Variants in MRPL48 observed in about 807,000 individuals in gnomAD.
MRPL48 encodes mitochondrial ribosomal protein L48, also known as large ribosomal subunit protein mL48.
A neutral mutation model predicts 32.9 loss-of-function variants in MRPL48; 16 were observed. The observed-to-expected ratio is 0.49, with a 90% confidence interval of 0.33 to 0.74. The LOEUF (loss-of-function observed/expected upper bound fraction) is 0.74, where lower values mean the gene tolerates loss of function less well. MRPL48 is among the 30% of genes least tolerant of loss of function. MRPL48 has a pLI of 0.02. For synonymous variants in MRPL48, 94 were observed against 89.2 expected (o/e 1.05, Z -0.31); for missense variants, 206 against 245.3 (o/e 0.84, Z 1.07).
chr11:73,815,611 C>T (rs1030596624), intron 3 of MRPL48, among the ~76,000 whole-genome samples: 5 of 152,130 alleles, frequency 3.3e-5, no homozygotes, highest in African/African-American at 1.2e-4. Context: ...ACCTTGGCCT[C>T]CCAAAGTGCT....
At chr11:73,840,831 A>T (rs1273631182) in intron 4 of MRPL48, among the ~76,000 whole-genome samples, 2 of 152,186 alleles carry the variant, frequency 1.3e-5, no homozygotes, top group Non-Finnish European at 2.9e-5. Flanking sequence ...AAAATAAAAT[A>T]AAAATAAAGT....
intron 4 of MRPL48, among the ~76,000 whole-genome samples, 189 bp downstream of exon 4, chr11:73,825,985 G>C (rs1400202109): frequency 6.6e-6 from 1 of 152,112 alleles, no homozygotes; most frequent in Non-Finnish European, 1.5e-5. Context: ...CTTATCCCTA[G>C]GCCAGGTTAT....
At chr11:73,790,622 G>C (rs1464205339) in intron 1 of MRPL48, among the ~76,000 whole-genome samples, 3 of 151,746 alleles carry the variant, frequency 2.0e-5, no homozygotes, top group Admixed American at 6.6e-5. Context: ...CTGACCTCGT[G>C]ATCTGCCCAC....
intron 3 of MRPL48, among the ~76,000 whole-genome samples, chr11:73,824,334 A>C (rs1250248793): frequency 6.6e-6 from 1 of 151,992 alleles, no homozygotes; most frequent in Non-Finnish European, 1.5e-5. Flanking sequence ...TCACGCCTGC[A>C]ATGCCAGTAC....
intron 5 of MRPL48, among the ~76,000 whole-genome samples, chr11:73,853,014 T>C (rs1169295334): frequency 6.6e-6 from 1 of 152,188 alleles, no homozygotes; most frequent in Non-Finnish European, 1.5e-5. Flanking sequence ...AAACATTGCA[T>C]GTTGTCATTT....
intron 3 of MRPL48, among the ~76,000 whole-genome samples, chr11:73,816,705 C>T (rs1043222759): frequency 3.9e-5 from 6 of 151,932 alleles, no homozygotes; most frequent in African/African-American, 1.5e-4. Flanking sequence ...CTTAGGTGAT[C>T]CGCCCGCCTT....
intron 3 of MRPL48, among the ~76,000 whole-genome samples, chr11:73,809,476 C>A (rs1947529276): frequency 6.6e-6 from 1 of 150,786 alleles, no homozygotes; most frequent in Non-Finnish European, 1.5e-5. Context: ...TGCACTCCAG[C>A]CTGGGCGACA....
intron 5 of MRPL48, chr11:73,845,285 G>C (rs973002076): frequency 4.5e-6 from 1 of 223,540 alleles, no homozygotes; most frequent in Non-Finnish European, 8.7e-6. Context: ...AGCTGTTTGT[G>C]GCTGGCCTCT....
intron 4 of MRPL48, among the ~76,000 whole-genome samples, chr11:73,831,527 C>T (rs1451380639): frequency 3.9e-5 from 6 of 152,014 alleles, no homozygotes; most frequent in Admixed American, 1.3e-4. Flanking sequence ...TATTTTAGAG[C>T]GTATCTCCAG....
chr11:73,812,182 G>A (rs1226110875), intron 3 of MRPL48, among the ~76,000 whole-genome samples: 8 of 151,944 alleles, frequency 5.3e-5, no homozygotes, highest in African/African-American at 9.7e-5. Context: ...CACCGCGCCC[G>A]GCCCTCTTTC....
rs1565395147 is a variant in MRPL48 at position 73,787,936 on chromosome 11, CG to C, written c.-34del. On this transcript the variant is annotated 5_prime_UTR_variant, in exon 1 of 8. Transcript: ENST00000310614. Reference sequence around the variant, plus strand: ...GAACGCGGCTGCAGGGTCCGGTCTTCGGTTTGCACAGCTAGAGGCCGCGCAG... The same window carrying C: ...GAACGCGGCTGCAGGGTCCGGTCTTCGTTTGCACAGCTAGAGGCCGCGCAG... 6.2e-7 allele frequency: 1 copy of C among 1,607,500 alleles called. No individual in the cohort carries two copies. The highest frequency in any genetic ancestry group is 2.2e-5 in the East Asian group (1 of 44,474).
At position 73,864,289 on chromosome 11, in the gene MRPL48, T is replaced by A. The variant is rs1396564140; in HGVS notation, c.565-7T>A. On this transcript the variant is annotated splice_region_variant and splice_polypyrimidine_tract_variant and intron_variant, in intron 7 of 7. Transcript: ENST00000310614. Reference sequence around the variant, plus strand: ...ATTACCGCTTATTTTCTTTTTCTTCTCCTTAGCACACTGAAGAAGACTTCA... The same window carrying A: ...ATTACCGCTTATTTTCTTTTTCTTCACCTTAGCACACTGAAGAAGACTTCA... 8 of 1,613,172 alleles carry A rather than the reference T, an allele frequency of 5.0e-6. No homozygotes were observed. The highest frequency in any genetic ancestry group is 5.9e-6 in the Non-Finnish European group (7 of 1,179,604).
At position 73,852,511 on chromosome 11, in the gene MRPL48, A is replaced by G. The variant is rs559219021; in HGVS notation, c.372-7396A>G. On this transcript the variant is annotated intron_variant, in intron 5 of 7. Transcript: ENST00000310614. ...AAACAGGCCTATGAAAAAGTGCTCA[A>G]CATCACTGATCGTCAGAGAAATGCA... 2.0e-5 allele frequency among the ~76,000 whole-genome samples: 3 copies of G among 152,294 alleles called. No individual in the cohort carries two copies. In the East Asian group the frequency reaches 5.8e-4, roughly 29 times the overall value.
chr11:73,816,514 A>T (rs1947677266), intron 3 of MRPL48, among the ~76,000 whole-genome samples: 1 of 151,472 alleles, frequency 6.6e-6, no homozygotes, highest in Admixed American at 6.6e-5. Context: ...TGCCCAGGCT[A>T]GAGAGCAATG....
intron 3 of MRPL48, among the ~76,000 whole-genome samples, chr11:73,813,534 A>G (rs1475576830): frequency 1.3e-5 from 2 of 152,040 alleles, no homozygotes; most frequent in Non-Finnish European, 2.9e-5. Context: ...TTTGATTTGT[A>G]AGAACTTTTA....
At chr11:73,864,083 C>CTA (rs1948628665) in intron 7 of MRPL48, among the ~76,000 whole-genome samples, 1 of 152,054 alleles carries the variant, frequency 6.6e-6, no homozygotes, top group Admixed American at 6.6e-5. Flanking sequence ...TCTAACCAGA[C>CTA]TATAAGTTCA....
chr11:73,863,668 T>C lies in MRPL48; in HGVS notation c.564+407T>C, dbSNP rs117134574. On this transcript the variant is annotated intron_variant, in intron 7 of 7. Transcript: ENST00000310614. Reference sequence around the variant, plus strand: ...AAGGCTTGACTGTAGCTTGACTGAATATATTTCATAAAGAATGCTAGTCAA... The same window carrying C: ...AAGGCTTGACTGTAGCTTGACTGAACATATTTCATAAAGAATGCTAGTCAA... Among the ~76,000 whole-genome samples, 1,497 of 152,360 alleles carry C rather than the reference T, an allele frequency of 9.8e-3. 22 individuals carry two copies. The highest frequency in any genetic ancestry group is 0.037 in the Middle Eastern group (11 of 294).
chr11:73,814,631 G>A (rs1359736977), intron 3 of MRPL48, among the ~76,000 whole-genome samples: 2 of 151,888 alleles, frequency 1.3e-5, no homozygotes, highest in African/African-American at 4.8e-5. Flanking sequence ...GGAGGCGGAG[G>A]TTGCAGTGAG....
intron 4 of MRPL48, among the ~76,000 whole-genome samples, chr11:73,834,915 T>A (rs1948068825): frequency 6.6e-6 from 1 of 151,440 alleles, no homozygotes; most frequent in Non-Finnish European, 1.5e-5. Flanking sequence ...CACTGCAACC[T>A]CAAACTCTTG....
Sources: allele counts gnomAD v4.1 joint callset (sites outside exome capture counted in the v4.1 genomes callset), GRCh38; gene constraint gnomAD v4.1.1; transcripts MANE v1.5; gene names NCBI Gene and HGNC (gene_info 2026-07-23, HGNC 2026-07-21).